Variants in ARHGEF3 observed in about 807,000 individuals in gnomAD.
ARHGEF3 encodes Rho guanine nucleotide exchange factor 3.
A neutral mutation model predicts 63.2 loss-of-function variants in ARHGEF3; 28 were observed. That is an observed-to-expected ratio of 0.44 (90% CI 0.33 to 0.61). The LOEUF is 0.61. ARHGEF3 is among the 20% of genes least tolerant of loss of function. The pLI is 0.03. For synonymous variants in ARHGEF3, 266 were observed against 254.2 expected (o/e 1.05, Z -0.44); for missense variants, 533 against 659.3 (o/e 0.81, Z 2.10).
chr3:57,077,089 C>T (rs113287008), intron 1 of ARHGEF3, among the ~76,000 whole-genome samples: 51 of 152,314 alleles, frequency 3.3e-4, no homozygotes, highest in African/African-American at 1.2e-3. Flanking sequence ...GTTGAGGGAA[C>T]AGCGTGTGCA....
chr3:56,878,771 G>A (rs2040675448), intron 4 of ARHGEF3, among the ~76,000 whole-genome samples: 1 of 152,224 alleles, frequency 6.6e-6, no homozygotes, highest in African/African-American at 2.4e-5. Context: ...TCATCCTGAA[G>A]GGTGTCTGAG....
intron 2 of ARHGEF3, among the ~76,000 whole-genome samples, chr3:56,760,545 C>A (rs914810109): frequency 6.6e-6 from 1 of 152,160 alleles, no homozygotes; most frequent in Non-Finnish European, 1.5e-5. Context: ...CTTTTATGCG[C>A]TTTGCCTACA....
intron 2 of ARHGEF3, among the ~76,000 whole-genome samples, chr3:56,964,350 CA>C (rs11347724): frequency 0.36 from 36,305 of 101,122 alleles, 5,491 homozygotes; most frequent in Middle Eastern, 0.48. Context: ...AAGACTGTCT[CA>C]AAAAAAAAAA....
chr3:56,763,956 C>T (rs191862096), intron 2 of ARHGEF3, among the ~76,000 whole-genome samples: 60 of 152,184 alleles, frequency 3.9e-4, no homozygotes, highest in Non-Finnish European at 5.7e-4. Context: ...AGAAGAAACA[C>T]GGTCAGTTGA....
intron 1 of ARHGEF3, among the ~76,000 whole-genome samples, chr3:57,047,813 A>C (rs1284321184): frequency 6.6e-6 from 1 of 152,152 alleles, no homozygotes; most frequent in African/African-American, 2.4e-5. Context: ...AGCTGGGTTA[A>C]AGGAGCAGGA....
chr3:56,786,805 C>T (rs55837354), intron 1 of ARHGEF3, among the ~76,000 whole-genome samples: 50,038 of 151,712 alleles, frequency 0.33, 9,301 homozygotes, highest in Middle Eastern at 0.57. Context: ...CAGCTAGTTT[C>T]AATTCCAAAG....
intron 4 of ARHGEF3, among the ~76,000 whole-genome samples, chr3:56,824,897 C>G (rs1257053362): frequency 1.3e-5 from 2 of 152,182 alleles, no homozygotes; most frequent in Non-Finnish European, 2.9e-5. Context: ...AGTGGCATCA[C>G]TGTTTAAAGA....
At chr3:56,990,117 G>A (rs1701693332) in intron 2 of ARHGEF3, among the ~76,000 whole-genome samples, 1 of 152,234 alleles carries the variant, frequency 6.6e-6, no homozygotes, top group Non-Finnish European at 1.5e-5. Context: ...CCATTATGCA[G>A]TCTGAGTTCA....
At chr3:56,946,130 G>A (rs762061062) in intron 3 of ARHGEF3, among the ~76,000 whole-genome samples, 49 of 152,050 alleles carry the variant, frequency 3.2e-4, no homozygotes, top group Non-Finnish European at 5.1e-4. Context: ...CCATCTGTAC[G>A]TCACCATCAT....
intron 3 of ARHGEF3, among the ~76,000 whole-genome samples, chr3:56,934,895 T>A (rs1578880013): frequency 6.6e-6 from 1 of 152,236 alleles, no homozygotes; most frequent in South Asian, 2.1e-4. Flanking sequence ...GCAGCCCCGC[T>A]GCGGGATCCA....
At chr3:57,044,262 T>A (rs56287823) in intron 1 of ARHGEF3, among the ~76,000 whole-genome samples, 38,041 of 152,080 alleles carry the variant, frequency 0.25, 5,730 homozygotes, top group East Asian at 0.63. Flanking sequence ...TGCTGTGGAA[T>A]CAGGACACCC....
At chr3:56,821,100 T>C (rs2038472915) in intron 4 of ARHGEF3, among the ~76,000 whole-genome samples, 1 of 151,620 alleles carries the variant, frequency 6.6e-6, no homozygotes, top group Non-Finnish European at 1.5e-5. Context: ...GTGAATGCAG[T>C]GAGCAGTGAT....
intron 2 of ARHGEF3, among the ~76,000 whole-genome samples, chr3:56,969,902 A>G (rs1173466033): frequency 6.6e-6 from 1 of 152,216 alleles, no homozygotes; most frequent in African/African-American, 2.4e-5. Context: ...ACACCATGGA[A>G]GAATCTTGAA....
intron 2 of ARHGEF3, among the ~76,000 whole-genome samples, chr3:56,997,153 G>A (rs530003078): frequency 4.6e-5 from 7 of 152,084 alleles, no homozygotes; most frequent in East Asian, 1.9e-4. Flanking sequence ...TGAGGCCTGC[G>A]ATGCTTGGTT....
intron 1 of ARHGEF3, among the ~76,000 whole-genome samples, chr3:57,040,176 T>C (rs1162340886): frequency 6.6e-6 from 1 of 152,132 alleles, no homozygotes; most frequent in Non-Finnish European, 1.5e-5. Flanking sequence ...CAAGTCTGTC[T>C]ACAGAAAGTA....
intron 2 of ARHGEF3, among the ~76,000 whole-genome samples, chr3:57,019,921 A>G (rs1340926844): frequency 6.6e-6 from 1 of 152,198 alleles, no homozygotes; most frequent in Admixed American, 6.5e-5. Context: ...TGAACGAGAC[A>G]GAGTTTCACT....
rs111645954 is a variant in ARHGEF3 at position 56,807,169 on chromosome 3, A to T, written c.193-33353T>A. Among the ~76,000 whole-genome samples, 407 of 152,234 alleles carry T rather than the reference A, an allele frequency of 2.7e-3. 3 individuals carry two copies. Among genetic ancestry groups the T allele is most frequent in the African/African-American group, 9.3e-3 (387 of 41,542 alleles). ...CCAAAGTGCTGGGATTACAGGTGGG[A>T]GCCACCGCGCCAGGCCTGAGTTCCT... On this transcript the variant is annotated intron_variant, in intron 4 of 12. Coordinates refer to the ARHGEF3 transcript ENST00000338458.
At chr3:56,856,549 C>G (rs2039888658) in intron 4 of ARHGEF3, among the ~76,000 whole-genome samples, 3 of 152,054 alleles carry the variant, frequency 2.0e-5, no homozygotes, top group South Asian at 4.2e-4. Context: ...CTCCCCCTTC[C>G]CCACCACCCA....
At chr3:56,794,922 A>G (rs1469274878) in intron 1 of ARHGEF3, among the ~76,000 whole-genome samples, 1 of 152,002 alleles carries the variant, frequency 6.6e-6, no homozygotes. Context: ...GCAGTGGCAC[A>G]ATCTCAGCTC....
Sources: gnomAD v4.1 joint callset for allele counts (sites outside exome capture counted in the v4.1 genomes callset) on GRCh38, gnomAD v4.1.1 for gene constraint, MANE v1.5 for transcripts, NCBI Gene and HGNC (gene_info 2026-07-23, HGNC 2026-07-21) for gene names.